Variants in ROBO2 observed in about 807,000 individuals in gnomAD.
The protein encoded by ROBO2 is roundabout homolog 2.
Under a neutral mutation model 160.8 loss-of-function variants are expected in ROBO2, and 53 were observed. The ratio of observed to expected loss-of-function variants is 0.33; its 90% confidence interval spans 0.26 to 0.41. ROBO2 has a LOEUF of 0.41. Ranked by LOEUF, ROBO2 falls within the 10% of genes least tolerant of loss-of-function variation. ROBO2 has a pLI of 1.00. For synonymous variants in ROBO2, 664 were observed against 611.7 expected (o/e 1.09, Z -1.26); for missense variants, 1,577 against 1,722.4 (o/e 0.92, Z 1.49).
rs553881918 is a variant in ROBO2, at chr3:76,128,642, C to G, written c.109+191040C>G. On this transcript the variant is annotated intron_variant, in intron 2 of 26. Coordinates refer to the ROBO2 transcript ENST00000487694. ...ATATGAGTGTGTGTGTGTGTGTGTT[C>G]ATATGAATTCTCTGGAAGAGACTTT... Among the ~76,000 whole-genome samples, 39 of 142,844 alleles carry G rather than the reference C, an allele frequency of 2.7e-4. No homozygotes were observed. The South Asian group carries it at 8.7e-3, about 32-fold the overall frequency. 93.7% of individuals were successfully genotyped at this position (142,844 alleles called of 152,430 possible).
At chr3:77,178,437 A>T (rs757090951) in intron 2 of ROBO2, among the ~76,000 whole-genome samples, 8 of 152,036 alleles carry the variant, frequency 5.3e-5, no homozygotes, top group Non-Finnish European at 1.0e-4. Flanking sequence ...CTCTCAACTC[A>T]TGCTCAACAG....
chr3:77,490,230 A>G (rs1313304350), intron 4 of ROBO2, among the ~76,000 whole-genome samples: 2 of 150,836 alleles, frequency 1.3e-5, no homozygotes, highest in Admixed American at 1.3e-4. Context: ...CCTCCCGAGT[A>G]GCTGGGACTA....
chr3:77,467,196 G>A (rs2082853553), intron 2 of ROBO2, among the ~76,000 whole-genome samples: 1 of 151,840 alleles, frequency 6.6e-6, no homozygotes, highest in African/African-American at 2.4e-5. Context: ...CCTGAAATTT[G>A]GATTTAAATA....
chr3:76,969,013 A>C (rs2149272801), intron 2 of ROBO2, among the ~76,000 whole-genome samples: 1 of 152,266 alleles, frequency 6.6e-6, no homozygotes, highest in Admixed American at 6.5e-5. Flanking sequence ...CCATCTAGGT[A>C]ATGTGTGTCT....
intron 2 of ROBO2, among the ~76,000 whole-genome samples, chr3:76,081,535 A>T (rs1235238881): frequency 2.0e-5 from 3 of 152,184 alleles, no homozygotes; most frequent in African/African-American, 7.2e-5. Flanking sequence ...CTGGCATAGA[A>T]TTGGATGAGA....
intron 13 of ROBO2, among the ~76,000 whole-genome samples, chr3:77,568,984 G>A (rs1329744221): frequency 6.6e-6 from 1 of 151,842 alleles, no homozygotes. Flanking sequence ...CGCGTATCAG[G>A]GCTTTGTTTC....
At chr3:76,035,804 T>C (rs1195953817) in intron 2 of ROBO2, among the ~76,000 whole-genome samples, 2 of 152,142 alleles carry the variant, frequency 1.3e-5, no homozygotes, top group East Asian at 1.9e-4. Flanking sequence ...ACAGTCTTGA[T>C]TGCGATTTTC....
intron 2 of ROBO2, among the ~76,000 whole-genome samples, chr3:76,249,488 G>A (rs1179938620): frequency 6.6e-6 from 1 of 152,104 alleles, no homozygotes; most frequent in Non-Finnish European, 1.5e-5. Flanking sequence ...AAATGGATCT[G>A]CAGGAACTGC....
At chr3:76,414,117 C>T (rs2075635670) in intron 2 of ROBO2, among the ~76,000 whole-genome samples, 1 of 151,752 alleles carries the variant, frequency 6.6e-6, no homozygotes, top group Non-Finnish European at 1.5e-5. Flanking sequence ...AAGAATAGCA[C>T]AGGAAAGAAC....
intron 2 of ROBO2, among the ~76,000 whole-genome samples, chr3:76,982,016 T>C (rs2060125365): frequency 6.6e-6 from 1 of 152,104 alleles, no homozygotes; most frequent in South Asian, 2.1e-4. Context: ...CAACATGAGA[T>C]TTGGGCAGGG....
At chr3:76,191,419 G>A (rs899536449) in intron 2 of ROBO2, among the ~76,000 whole-genome samples, 6 of 152,194 alleles carry the variant, frequency 3.9e-5, no homozygotes, top group African/African-American at 1.2e-4. Flanking sequence ...ATACTCAGAG[G>A]TTATCTTGCC....
At chr3:76,774,208 G>A (rs965022070) in intron 2 of ROBO2, among the ~76,000 whole-genome samples, 3 of 150,912 alleles carry the variant, frequency 2.0e-5, no homozygotes, top group Non-Finnish European at 4.5e-5. Flanking sequence ...TGAGTCGACT[G>A]TGTATTTCTA....
rs71104689 is a variant in ROBO2 at position 77,475,068 on chromosome 3, T to TGAGA, written c.389-2333_389-2330dup. Among the ~76,000 whole-genome samples the TGAGA allele has an allele frequency of 1.4e-3, 218 of 150,362 alleles. 3 individuals carry two copies. In the East Asian group the frequency reaches 0.034, roughly 23 times the overall value. On this transcript the variant is annotated intron_variant, in intron 2 of 25. Coordinates refer to ENST00000461745, the Ensembl canonical transcript of ROBO2. ...CCTGCTGAAAAGCATGTTTTTCAACTGAGAGAGAGAGAGAGAAGAAACATA... is the reference window on the plus strand; with the variant it reads ...CCTGCTGAAAAGCATGTTTTTCAACTGAGAGAGAGAGAGAGAGAGAAGAAACATA...
At chr3:77,258,449 G>A (rs2058563252) in intron 2 of ROBO2, among the ~76,000 whole-genome samples, 1 of 151,938 alleles carries the variant, frequency 6.6e-6, no homozygotes. Flanking sequence ...CAGAGGAAGA[G>A]ATAGTTTTAA....
chr3:76,960,981 G>A (rs2079604826), intron 2 of ROBO2, among the ~76,000 whole-genome samples: 1 of 152,000 alleles, frequency 6.6e-6, no homozygotes, highest in South Asian at 2.1e-4. Flanking sequence ...CTCTAAGACA[G>A]CAATTTGTGT....
At chr3:76,642,341 CTTTTTTTTTTT>C (rs71104611) in intron 2 of ROBO2, among the ~76,000 whole-genome samples, 5 of 62,230 alleles carry the variant, frequency 8.0e-5, no homozygotes, top group Admixed American at 5.6e-4. Flanking sequence ...TTTACACTTG[CTTTTTTTTTTT>C]TTTTTTTTTT....
intron 2 of ROBO2, among the ~76,000 whole-genome samples, chr3:77,307,993 T>C (rs1560498567): frequency 6.6e-6 from 1 of 151,928 alleles, no homozygotes. Context: ...GGGATGTTTT[T>C]GTCAAATCTA....
chr3:77,087,223 A>G (rs1329246654), intron 1 of ROBO2, among the ~76,000 whole-genome samples: 1 of 152,222 alleles, frequency 6.6e-6, no homozygotes, highest in Non-Finnish European at 1.5e-5. Context: ...GTCTTCATTA[A>G]ATAAATGTCA....
intron 2 of ROBO2, among the ~76,000 whole-genome samples, chr3:77,364,308 T>C (rs2153471554): frequency 6.6e-6 from 1 of 152,232 alleles, no homozygotes; most frequent in East Asian, 1.9e-4. Flanking sequence ...CCAGGCAATG[T>C]TCATGACCTC....
Sources: gnomAD v4.1 joint callset for allele counts (sites outside exome capture counted in the v4.1 genomes callset) on GRCh38, gnomAD v4.1.1 for gene constraint, MANE v1.5 for transcripts, NCBI Gene and HGNC (gene_info 2026-07-23, HGNC 2026-07-21) for gene names.